Variants in PTPRG observed in about 807,000 individuals in gnomAD.
PTPRG encodes the protein receptor-type tyrosine-protein phosphatase gamma.
In PTPRG, 102 loss-of-function variants were observed where a neutral mutation model predicts 165.3. The observed-to-expected ratio is 0.62, with a 90% CI of 0.53 to 0.73. The LOEUF is 0.73. Among genes scored for constraint, PTPRG ranks in the 30% least tolerant of loss-of-function variants. The pLI, the probability that PTPRG is intolerant of heterozygous loss-of-function variation, is 0.00. For missense variants in PTPRG, 1,866 were observed against 1,861.4 expected (o/e 1.00, Z -0.05); for synonymous variants, 675 against 669.5 (o/e 1.01, Z -0.13).
At chr3:61,856,951 T>G (rs778162000) in intron 2 of PTPRG, among the ~76,000 whole-genome samples, 9 of 152,220 alleles carry the variant, frequency 5.9e-5, no homozygotes, top group Non-Finnish European at 1.2e-4. Context: ...CTCAAGCTGA[T>G]GACTTTCAAG....
chr3:61,955,125 G>A (rs541857660), intron 2 of PTPRG, among the ~76,000 whole-genome samples: 81 of 152,224 alleles, frequency 5.3e-4, no homozygotes, highest in African/African-American at 1.8e-3. Context: ...TGATGGATAA[G>A]AATTACTGAC....
chr3:62,085,369 C>T (rs755281849), intron 5 of PTPRG, among the ~76,000 whole-genome samples: 13 of 152,138 alleles, frequency 8.5e-5, no homozygotes, highest in Non-Finnish European at 1.6e-4. Context: ...CCTCTCTTTC[C>T]TGGGGCTCCA....
intron 1 of PTPRG, among the ~76,000 whole-genome samples, chr3:61,565,611 T>A (rs1699892468): frequency 6.7e-6 from 1 of 149,238 alleles, no homozygotes; most frequent in South Asian, 2.1e-4. Flanking sequence ...GCTCAGCAGA[T>A]TTTTTTTTTA....
At chr3:62,060,725 T>C (rs1157457993) in intron 4 of PTPRG, among the ~76,000 whole-genome samples, 2 of 152,198 alleles carry the variant, frequency 1.3e-5, no homozygotes, top group African/African-American at 4.8e-5. Context: ...ATACTGAAGG[T>C]ATGGAGTAGA....
intron 8 of PTPRG, among the ~76,000 whole-genome samples, chr3:62,186,685 C>G (rs1188808854): frequency 6.7e-6 from 1 of 150,272 alleles, no homozygotes; most frequent in Non-Finnish European, 1.5e-5. Flanking sequence ...TCCACCTTAG[C>G]CTCCTGAGTA....
At chr3:61,880,588 C>T (rs1269126901) in intron 2 of PTPRG, among the ~76,000 whole-genome samples, 1 of 142,710 alleles carries the variant, frequency 7.0e-6, no homozygotes, top group Admixed American at 7.4e-5. Context: ...TGCGCCACTG[C>T]ACCTCAGCTT....
intron 2 of PTPRG, among the ~76,000 whole-genome samples, chr3:61,934,622 A>G (rs1384750004): frequency 1.3e-5 from 2 of 152,012 alleles, no homozygotes; most frequent in South Asian, 2.1e-4. Flanking sequence ...TCATATCTGC[A>G]TTGTGGCCAG....
intron 16 of PTPRG, 37 bp from the exon 17 acceptor site, chr3:62,262,761 T>G: frequency 3.3e-6 from 5 of 1,514,754 alleles, no homozygotes; most frequent in Non-Finnish European, 4.6e-6. Context: ...CCTTTGTTTC[T>G]AAACTGTGTC....
chr3:62,292,597 T>G, intron 29 of PTPRG, 41 bp downstream of exon 29: 2 of 1,597,110 alleles, frequency 1.3e-6, no homozygotes, highest in South Asian at 2.3e-5. Context: ...ACTACATCAG[T>G]TGAAACTCAG....
At chr3:62,262,716 G>A (rs1293445836) in intron 16 of PTPRG, 82 bp from the exon 17 acceptor site, 14 of 968,614 alleles carry the variant, frequency 1.4e-5, no homozygotes, top group African/African-American at 3.4e-5. Flanking sequence ...CAGGGAGTGA[G>A]TAAATACTTT....
chr3:62,176,942 C>G (rs185193534), intron 8 of PTPRG, among the ~76,000 whole-genome samples: 2 of 152,166 alleles, frequency 1.3e-5, no homozygotes, highest in East Asian at 1.9e-4. Context: ...AAGCTAATAT[C>G]TAAGCTTCTA....
chr3:61,595,163 C>G (rs948821992), intron 1 of PTPRG, among the ~76,000 whole-genome samples: 6 of 151,640 alleles, frequency 4.0e-5, no homozygotes, highest in Admixed American at 3.9e-4. Context: ...TTCCCCTGGA[C>G]GAAACCGAAC....
In PTPRG at chr3:62,290,801, C is replaced by T. The variant is rs115776491; in HGVS notation, c.4056-1620C>T. Among the ~76,000 whole-genome samples the T allele has an allele frequency of 8.3e-3, 1,262 of 152,026 alleles. 20 individuals are homozygous for T. Among genetic ancestry groups the T allele is most frequent in the African/African-American group, 0.029 (1,195 of 41,478 alleles). On this transcript the variant is annotated intron_variant, in intron 28 of 29. Transcript: ENST00000474889. ...GACTCAGATGAATTAGACAATTAAA[C>T]GTAAAAAAGTAAAATTAGAACATGT...
intron 1 of PTPRG, among the ~76,000 whole-genome samples, chr3:61,680,567 G>C (rs1019523064): frequency 6.8e-6 from 1 of 146,954 alleles, no homozygotes; most frequent in African/African-American, 2.5e-5. Flanking sequence ...GTGACCCTTG[G>C]CTACTTTTGA....
Position 62,213,022 on chromosome 3 carries a change from T to A in PTPRG, c.2156-5829T>A, listed in dbSNP as rs1480244739. Among the ~76,000 whole-genome samples, 2 of 152,234 alleles carry A rather than the reference T, an allele frequency of 1.3e-5. No homozygotes were observed. The highest frequency in any genetic ancestry group is 2.1e-4 in the South Asian group (1 of 4,816). ...TGTTAACCCAGAGGTCCTGTCCTTATCTTGGTGTCACAATTTGGGCATCAT... is the reference window on the plus strand; with the variant it reads ...TGTTAACCCAGAGGTCCTGTCCTTAACTTGGTGTCACAATTTGGGCATCAT... On this transcript the variant is annotated intron_variant, in intron 12 of 29. Transcript: ENST00000474889. This position sits in a 1 kb window ranked among gnomAD's most constrained non-coding sequence, Gnocchi z 4.4.
chr3:62,127,392 G>A (rs1190001571), intron 5 of PTPRG, among the ~76,000 whole-genome samples: 1 of 152,184 alleles, frequency 6.6e-6, no homozygotes, highest in Non-Finnish European at 1.5e-5. Context: ...ATCCTGAGAA[G>A]TGCTTGCCCT....
intron 6 of PTPRG, among the ~76,000 whole-genome samples, chr3:62,145,616 T>C (rs1023054626): frequency 1.2e-4 from 19 of 152,190 alleles, no homozygotes; most frequent in Non-Finnish European, 2.5e-4. Context: ...GAAAGGGTAG[T>C]GGACAAAGAA....
At chr3:61,637,858 TGA>T (rs1701957686) in intron 1 of PTPRG, among the ~76,000 whole-genome samples, 1 of 152,164 alleles carries the variant, frequency 6.6e-6, no homozygotes, top group Non-Finnish European at 1.5e-5. Context: ...ACCGACCAAG[TGA>T]GTGATATGTT....
intron 2 of PTPRG, among the ~76,000 whole-genome samples, chr3:61,946,024 ATC>A (rs1221257928): frequency 1.3e-5 from 2 of 152,124 alleles, no homozygotes; most frequent in African/African-American, 4.8e-5. Context: ...CTTTACTATT[ATC>A]TCTCTCTTTG....
Sources: gnomAD v4.1 joint callset for allele counts (sites outside exome capture counted in the v4.1 genomes callset) on GRCh38, gnomAD v4.1.1 for gene constraint, Gnocchi (gnomAD v3.1) non-coding constraint, MANE v1.5 for transcripts, NCBI Gene and HGNC (gene_info 2026-07-23, HGNC 2026-07-21) for gene names.